Variants in CADPS2 observed in about 807,000 individuals in gnomAD.
The protein encoded by CADPS2 is calcium-dependent secretion activator 2.
In CADPS2, 93 loss-of-function variants were observed where a neutral mutation model predicts 172.5. The ratio of observed to expected loss-of-function variants is 0.54; its 90% CI spans 0.46 to 0.64. CADPS2 has a LOEUF of 0.64. Among genes scored for constraint, CADPS2 ranks in the 30% least tolerant of loss-of-function variants. The pLI, the probability that CADPS2 is intolerant of heterozygous loss-of-function variation, is 0.00. For missense variants in CADPS2, 1,420 were observed against 1,565.9 expected, an observed-to-expected ratio of 0.91 and a Z score of 1.57; for synonymous variants, 546 against 555.2, an observed-to-expected ratio of 0.98 and a Z score of 0.23.
At chr7:122,366,970 C>G (rs1334427538) in intron 25 of CADPS2, 2 of 152,094 alleles carry the variant, frequency 1.3e-5, no homozygotes, top group Non-Finnish European at 2.9e-5. Context: ...ATTCACCACA[C>G]TGTTTTCTCT....
intron 19 of CADPS2, chr7:122,409,582 T>C (rs564155884): frequency 1.2e-4 from 56 of 467,140 alleles, no homozygotes; most frequent in Non-Finnish European, 1.9e-4. Flanking sequence ...GATGATGCTA[T>C]TCTTAATGAA....
intron 1 of CADPS2, among the ~76,000 whole-genome samples, chr7:122,760,348 T>G (rs972621): frequency 1.3e-5 from 2 of 151,980 alleles, no homozygotes; most frequent in African/African-American, 2.4e-5. Context: ...TCATTTTTCA[T>G]GTTTAGCAGA....
intron 2 of CADPS2, among the ~76,000 whole-genome samples, chr7:122,679,394 C>T (rs988166115): frequency 7.9e-5 from 12 of 151,712 alleles, no homozygotes; most frequent in Admixed American, 7.2e-4. Context: ...TCCAGCCTGG[C>T]GAATTCTAGT....
chr7:122,361,638 G>A (rs2040166135), intron 25 of CADPS2, among the ~76,000 whole-genome samples: 1 of 152,114 alleles, frequency 6.6e-6, no homozygotes, highest in African/African-American at 2.4e-5. Context: ...AGGTCCATGA[G>A]ATTTTTCCTT....
chr7:122,742,623 A>G (rs1295252204), intron 1 of CADPS2, among the ~76,000 whole-genome samples: 1 of 152,138 alleles, frequency 6.6e-6, no homozygotes, highest in African/African-American at 2.4e-5. Flanking sequence ...AATTCAAACT[A>G]AAAACAAATT....
At chr7:122,462,298 A>T (rs1316366210) in intron 14 of CADPS2, among the ~76,000 whole-genome samples, 7 of 152,138 alleles carry the variant, frequency 4.6e-5, no homozygotes, top group Non-Finnish European at 2.9e-5. Flanking sequence ...TAATTAGCAT[A>T]AGACTTTAAA....
At chr7:122,742,652 C>T (rs928195044) in intron 1 of CADPS2, among the ~76,000 whole-genome samples, 14 of 152,270 alleles carry the variant, frequency 9.2e-5, no homozygotes, top group African/African-American at 3.1e-4. Flanking sequence ...TTGGCAGTCA[C>T]ATCTACTGAC....
rs754795204 is a variant in CADPS2, at chr7:122,416,101, C to T, written c.2540G>A (p.Cys847Tyr). Residue 847 changes from cysteine (C) to tyrosine (Y), a missense_variant, in exon 18 of 30, where the codon TGC becomes TAC. Transcript: ENST00000449022. ...LEEILHLAEL[C>Y]IEVLQQNEEH... is the part of the protein sequence containing the mutation. ...TTCATTCTGCTGTAAGACTTCTATG[C>T]AGAGCTCTGCCAGATGAAGAATCTC... is the stretch of plus-strand genomic sequence containing the variant. 1 of 1,553,496 alleles carries T rather than the reference C, an allele frequency of 6.4e-7. No individual in the cohort carries two copies. The highest frequency in any genetic ancestry group is 1.7e-4 in the Middle Eastern group (1 of 5,982).
chr7:122,652,210 T>C (rs1052137583), intron 3 of CADPS2, among the ~76,000 whole-genome samples: 9 of 152,198 alleles, frequency 5.9e-5, no homozygotes, highest in Non-Finnish European at 1.2e-4. Context: ...AGGTTCCTAT[T>C]ATTTAACACA....
chr7:122,393,668 A>G (rs2044691849), intron 20 of CADPS2, 86 bp from the exon 21 acceptor site: 1 of 1,383,020 alleles, frequency 7.2e-7, no homozygotes, highest in South Asian at 1.2e-5. Context: ...ACGTTTTCTG[A>G]GAGAGTCTGA....
intron 9 of CADPS2, among the ~76,000 whole-genome samples, chr7:122,505,302 T>C (rs929867402): frequency 3.3e-5 from 5 of 152,198 alleles, no homozygotes; most frequent in Non-Finnish European, 5.9e-5. Context: ...CAACTTGAAG[T>C]TGCTGTTTTA....
At chr7:122,858,924 C>G (rs1584975781) in intron 1 of CADPS2, among the ~76,000 whole-genome samples, 1 of 152,040 alleles carries the variant, frequency 6.6e-6, no homozygotes, top group Non-Finnish European at 1.5e-5. Flanking sequence ...GCATTTGGCC[C>G]TTGGGGAACA....
At position 122,416,170 on chromosome 7, in the gene CADPS2, T is replaced by TG; in HGVS notation, c.2477-7dup. Reference sequence around the variant, plus strand: ...AGATGCCTGGTTCATGGTCTCTATATGAAAAAAAATCATAATCATGTTACC... The same window carrying TG: ...AGATGCCTGGTTCATGGTCTCTATATGGAAAAAAAATCATAATCATGTTACC... On this transcript the variant is annotated splice_region_variant and splice_polypyrimidine_tract_variant and intron_variant, in intron 17 of 29. Transcript: ENST00000449022. 2 of 1,491,752 alleles carry TG rather than the reference T, an allele frequency of 1.3e-6. No homozygotes were observed. The highest frequency in any genetic ancestry group is 1.8e-6 in the Non-Finnish European group (2 of 1,101,740). The allele number at this position is 1,491,752 out of a possible 1,614,324, so 92.4% of individuals were successfully genotyped here.
chr7:122,320,236 C>T lies in CADPS2; in HGVS notation c.3820G>A (p.Ala1274Thr). The change falls in exon 30 of 30, where the codon GCC (alanine) becomes ACC (threonine). Residue 1274 changes from alanine to threonine, a missense_variant. Ala to Thr is a moderately conservative substitution (Grantham distance 58). Transcript: ENST00000449022. Reference sequence around the variant, plus strand: ...AGTCCTCCTCCTTCTGAAACAGAGGCTGTGGCCTCCTCTACTGTTAAACGT... The same window carrying T: ...AGTCCTCCTCCTTCTGAAACAGAGGTTGTGGCCTCCTCTACTGTTAAACGT... Reference protein sequence around the residue: ...HRRLTVEEATASVSEGGGLQG... With the variant: ...HRRLTVEEATTSVSEGGGLQG... 3 of 1,613,442 alleles carry T rather than the reference C, an allele frequency of 1.9e-6. No individual in the cohort carries two copies. The highest frequency in any genetic ancestry group is 2.5e-6 in the Non-Finnish European group (3 of 1,179,628).
At chr7:122,365,906 G>A (rs948771942) in intron 25 of CADPS2, among the ~76,000 whole-genome samples, 2 of 152,162 alleles carry the variant, frequency 1.3e-5, no homozygotes, top group African/African-American at 4.8e-5. Context: ...TAAGTGACGG[G>A]AGGATTCCAG....
intron 25 of CADPS2, among the ~76,000 whole-genome samples, chr7:122,369,155 T>G (rs973324303): frequency 6.3e-4 from 63 of 99,480 alleles, no homozygotes; most frequent in African/African-American, 9.5e-4. Flanking sequence ...TTTTTTTTTT[T>G]GAGTCTCGCT....
intron 1 of CADPS2, among the ~76,000 whole-genome samples, chr7:122,755,796 T>G (rs528463251): frequency 6.6e-6 from 1 of 151,884 alleles, no homozygotes; most frequent in Non-Finnish European, 1.5e-5. Context: ...TCTATACTGA[T>G]AGGAATATGT....
At chr7:122,426,753 A>G (rs1044676783) in intron 17 of CADPS2, among the ~76,000 whole-genome samples, 1 of 152,234 alleles carries the variant, frequency 6.6e-6, no homozygotes, top group African/African-American at 2.4e-5. Context: ...GGCACCTGTT[A>G]GTAAGTAAAT....
chr7:122,691,031 G>A (rs893920545), intron 2 of CADPS2, among the ~76,000 whole-genome samples: 3 of 152,212 alleles, frequency 2.0e-5, no homozygotes, highest in Admixed American at 6.5e-5. Flanking sequence ...CAGGTCCCAA[G>A]ACTTCTTGTA....
Sources: gnomAD v4.1 joint callset for allele counts (sites outside exome capture counted in the v4.1 genomes callset) on GRCh38, gnomAD v4.1.1 for gene constraint, MANE v1.5 for transcripts, NCBI Gene and HGNC (gene_info 2026-07-23, HGNC 2026-07-21) for gene names.